The following TLE4 variants were observed in gnomAD, a reference collection of about 807,000 sequenced individuals.
The protein encoded by TLE4 is TLE family member 4, transcriptional corepressor, also known as transducin-like enhancer protein 4.
Under a neutral mutation model 92.8 loss-of-function variants are expected in TLE4, and 8 were observed. The observed-to-expected ratio is 0.09, with a 90% CI of 0.05 to 0.16. The LOEUF (loss-of-function observed/expected upper bound fraction) is 0.16. Ranked by LOEUF, TLE4 falls within the 10% of genes least tolerant of loss-of-function variation. TLE4 has a pLI of 1.00. For synonymous variants in TLE4, 371 were observed against 374.1 expected, an observed-to-expected ratio of 0.99 and a Z score of 0.10; for missense variants, 675 against 997.6, an observed-to-expected ratio of 0.68 and a Z score of 4.36.
At chr9:79,684,824 A>C (rs1344296002) in intron 8 of TLE4, among the ~76,000 whole-genome samples, 1 of 152,176 alleles carries the variant, frequency 6.6e-6, no homozygotes, top group Admixed American at 6.5e-5. Flanking sequence ...CATTGGCCAA[A>C]GCAAGTCATA....
intron 10 of TLE4, among the ~76,000 whole-genome samples, chr9:79,706,418 T>C (rs2071586468): frequency 6.6e-6 from 1 of 152,022 alleles, no homozygotes; most frequent in African/African-American, 2.4e-5. Context: ...GTTCTTATTC[T>C]ATTAAGAATA....
chr9:79,667,811 G>A (rs1166467615), intron 8 of TLE4, among the ~76,000 whole-genome samples: 1 of 152,082 alleles, frequency 6.6e-6, no homozygotes, highest in African/African-American at 2.4e-5. Context: ...CAAGGGTTAG[G>A]CCTAAAAGGA....
intron 6 of TLE4, among the ~76,000 whole-genome samples, chr9:79,641,278 GA>G (rs2057091708): frequency 6.6e-6 from 1 of 151,858 alleles, no homozygotes; most frequent in Non-Finnish European, 1.5e-5. Flanking sequence ...AAGAAAATGA[GA>G]AGACAAGCCA....
At chr9:79,683,926 A>G (rs939266631) in intron 8 of TLE4, among the ~76,000 whole-genome samples, 1 of 152,204 alleles carries the variant, frequency 6.6e-6, no homozygotes, top group Non-Finnish European at 1.5e-5. Context: ...TGAACTTATG[A>G]CGACAGTTTA....
At position 79,725,236 on chromosome 9, in the gene TLE4, A is replaced by T; in HGVS notation, c.*92A>T. The T allele has an allele frequency of 1.2e-6, 1 of 846,766 alleles. No individual in the cohort carries two copies. Among genetic ancestry groups the T allele is most frequent in the Non-Finnish European group, 1.9e-6 (1 of 523,074 alleles). The allele number at this position is 846,766 out of a possible 1,614,324, so 52.5% of individuals were successfully genotyped here. ...CACCCCCATCCCCGCATCTAAAACC[A>T]AGGATTTCAGATACTCATTGCAGTT... is the stretch of plus-strand genomic sequence containing the variant. On this transcript the variant is annotated 3_prime_UTR_variant, in exon 20 of 20. Coordinates refer to ENST00000376552, the MANE Select transcript of TLE4 (RefSeq NM_007005.6).
chr9:79,595,261 G>A (rs774020595), intron 4 of TLE4, among the ~76,000 whole-genome samples: 18 of 152,306 alleles, frequency 1.2e-4, no homozygotes, highest in South Asian at 2.1e-4. Flanking sequence ...TATAGTTTGC[G>A]ATTGGGGAAT....
intron 8 of TLE4, among the ~76,000 whole-genome samples, chr9:79,665,544 C>T (rs1402640081): frequency 6.6e-6 from 1 of 152,220 alleles, no homozygotes; most frequent in African/African-American, 2.4e-5. Context: ...TGAAGGCAGT[C>T]TTCCCAGGAA....
intron 9 of TLE4, among the ~76,000 whole-genome samples, chr9:79,705,288 A>G (rs1376373748): frequency 6.6e-6 from 1 of 152,262 alleles, no homozygotes; most frequent in Non-Finnish European, 1.5e-5. Flanking sequence ...GCTGAAGGAT[A>G]TACCAAATGT....
Position 79,674,727 on chromosome 9 carries a change from G to A in TLE4, c.609+20652G>A, listed in dbSNP as rs2062979688. Among the ~76,000 whole-genome samples the A allele has an allele frequency of 2.0e-5, 3 of 152,076 alleles. No individual in the cohort carries two copies. The South Asian group carries it at 6.2e-4, about 32-fold the overall frequency. ...TGTTTTAATACTTCACAATTTTTAG[G>A]ACCTTCAAAGTGGCGGTTCAAGACC... is the stretch of plus-strand genomic sequence containing the variant. On this transcript the variant is annotated intron_variant, in intron 8 of 19. Transcript: ENST00000376552.
At chr9:79,686,633 C>T (rs374979787) in intron 8 of TLE4, among the ~76,000 whole-genome samples, 4 of 152,220 alleles carry the variant, frequency 2.6e-5, no homozygotes, top group Middle Eastern at 3.4e-3. Flanking sequence ...TGCCACAAAC[C>T]GAAGAATGCC....
At chr9:79,688,372 T>A (rs1425319646) in intron 8 of TLE4, among the ~76,000 whole-genome samples, 1 of 152,146 alleles carries the variant, frequency 6.6e-6, no homozygotes, top group Non-Finnish European at 1.5e-5. Flanking sequence ...ACAGTCCTCA[T>A]AACTGATTAA....
In TLE4 at chr9:79,722,453, C is replaced by T; in HGVS notation, c.1989C>T (p.Ile663=). 1 of 1,614,036 alleles carries T rather than the reference C, an allele frequency of 6.2e-7. No individual in the cohort carries two copies. The highest frequency in any genetic ancestry group is 8.5e-7 in the Non-Finnish European group (1 of 1,179,974). Residue 663 remains isoleucine (I), a splice_region_variant and synonymous_variant, in exon 18 of 20, where the codon ATC becomes ATT. Transcript: ENST00000376552. ...ACCATCACCTGTTTTAATTCTAGATCTTTTCTCTGGGCTACTGCCCAACTG... is the reference window on the plus strand; with the variant it reads ...ACCATCACCTGTTTTAATTCTAGATTTTTTCTCTGGGCTACTGCCCAACTG... ...QLQQHDFTSQ[I]FSLGYCPTGE...
intron 5 of TLE4, among the ~76,000 whole-genome samples, chr9:79,620,249 G>A (rs2133304798): frequency 6.6e-6 from 1 of 152,296 alleles, no homozygotes; most frequent in South Asian, 2.1e-4. Flanking sequence ...TACAGTAGTA[G>A]CTATGTAAAG....
chr9:79,686,390 T>C (rs1375769968), intron 8 of TLE4, among the ~76,000 whole-genome samples: 1 of 152,206 alleles, frequency 6.6e-6, no homozygotes. Context: ...CGGGGTTGAA[T>C]TGTGTCTCAA....
intron 11 of TLE4, 174 bp downstream of exon 11, chr9:79,707,073 T>G: frequency 6.3e-7 from 1 of 1,591,284 alleles, no homozygotes; most frequent in Non-Finnish European, 8.6e-7. Flanking sequence ...ATAAGTTTAC[T>G]AACTTGTTGG....
chr9:79,619,332 G>A (rs568917463), intron 5 of TLE4, among the ~76,000 whole-genome samples: 2 of 152,150 alleles, frequency 1.3e-5, no homozygotes, highest in Admixed American at 6.5e-5. Flanking sequence ...TGGGCATCTC[G>A]GTTAATATGG....
At chr9:79,721,923 G>A in intron 17 of TLE4, 35 bp downstream of exon 17, 1 of 1,594,648 alleles carries the variant, frequency 6.3e-7, no homozygotes, top group Non-Finnish European at 8.5e-7. Flanking sequence ...TAAAGATACG[G>A]TTTTAGGCTG....
chr9:79,702,097 G>GA lies in TLE4; in HGVS notation c.610-2680dup, dbSNP rs1438973811. ...GAAAATAGTCATTGCCATAAGCCAG[G>GA]AAAAAAGGCTACAGGTGCAACGAAA... On this transcript the variant is annotated intron_variant, in intron 8 of 19. Transcript: ENST00000376552. Among the ~76,000 whole-genome samples the GA allele has an allele frequency of 3.3e-5, 5 of 152,114 alleles. No homozygotes were observed. In the East Asian group the frequency reaches 9.6e-4, roughly 29 times the overall value.
intron 4 of TLE4, among the ~76,000 whole-genome samples, chr9:79,578,746 C>G (rs1429504494): frequency 6.6e-6 from 1 of 151,606 alleles, no homozygotes; most frequent in Non-Finnish European, 1.5e-5. Flanking sequence ...ATAATGTTGC[C>G]AATTTTTAAC....
Sources: allele counts gnomAD v4.1 joint callset (sites outside exome capture counted in the v4.1 genomes callset), GRCh38; gene constraint gnomAD v4.1.1; transcripts MANE v1.5; gene names NCBI Gene and HGNC (gene_info 2026-07-23, HGNC 2026-07-21).